DOCK10: variants seen among roughly 807,000 people sequenced by gnomAD.
DOCK10 encodes dedicator of cytokinesis 10.
Under a neutral mutation model 280.1 loss-of-function variants are expected in DOCK10, and 145 were observed. The ratio of observed to expected loss-of-function variants is 0.52; its 90% confidence interval spans 0.45 to 0.59. The LOEUF (loss-of-function observed/expected upper bound fraction) is 0.59. DOCK10 is among the 20% of genes least tolerant of loss of function. The probability of loss-of-function intolerance (pLI) is 0.00; values close to 1 mark genes in which losing one functional copy is unlikely to be tolerated. For synonymous variants in DOCK10, 915 were observed against 942.2 expected, an observed-to-expected ratio of 0.97 and a Z score of 0.53; for missense variants, 2,368 against 2,651.7, an observed-to-expected ratio of 0.89 and a Z score of 2.35.
intron 1 of DOCK10, among the ~76,000 whole-genome samples, chr2:224,951,046 G>A (rs757509499): frequency 6.6e-6 from 1 of 152,198 alleles, no homozygotes; most frequent in Non-Finnish European, 1.5e-5. Flanking sequence ...AGATAGACAG[G>A]CTGAAAACTA....
intron 4 of DOCK10, among the ~76,000 whole-genome samples, chr2:224,888,951 A>G (rs533943359): frequency 1.9e-4 from 29 of 152,276 alleles, no homozygotes; most frequent in Non-Finnish European, 3.8e-4. Context: ...GCCATTTGCC[A>G]TGATATGGAT....
At chr2:224,986,969 C>A (rs554082411) in intron 1 of DOCK10, among the ~76,000 whole-genome samples, 4 of 152,148 alleles carry the variant, frequency 2.6e-5, no homozygotes, top group Non-Finnish European at 5.9e-5. Flanking sequence ...TCCCTGCTTC[C>A]AAAACACAAA....
chr2:224,913,877 G>A (rs1239180140), intron 3 of DOCK10, among the ~76,000 whole-genome samples: 1 of 151,902 alleles, frequency 6.6e-6, no homozygotes, highest in Non-Finnish European at 1.5e-5. Flanking sequence ...ACAGGCACCC[G>A]CCACCACGTC....
intron 30 of DOCK10, among the ~76,000 whole-genome samples, chr2:224,814,818 A>G (rs4674942): frequency 0.26 from 39,880 of 152,188 alleles, 8,413 homozygotes; most frequent in African/African-American, 0.59. Context: ...CACCACCCTC[A>G]GCCTATTTGT....
rs535951450 is a variant in DOCK10, at chr2:224,767,187, G to A, written c.6445-1350C>T. Among the ~76,000 whole-genome samples, 7 of 151,816 alleles carry A rather than the reference G, an allele frequency of 4.6e-5. No homozygotes were observed. The South Asian group carries it at 6.2e-4, about 14-fold the overall frequency. On this transcript the variant is annotated intron_variant, in intron 55 of 55. Transcript: ENST00000258390. ...CAATCATGTAGTTTTTTTTTTAGAC[G>A]GAATCTCACTTTGTCACCCAGGTTG...
At chr2:224,804,042 G>T in intron 39 of DOCK10, 70 bp downstream of exon 39, 1 of 785,230 alleles carries the variant, frequency 1.3e-6, no homozygotes, top group South Asian at 1.6e-5. Context: ...GTCTACCCCT[G>T]ACATGTGCAT....
In DOCK10 at chr2:224,796,435, G is replaced by A. The variant is rs1231742967; in HGVS notation, c.4828-9C>T. The A allele has an allele frequency of 4.0e-6, 6 of 1,510,456 alleles. No individual in the cohort carries two copies. The highest frequency in any genetic ancestry group is 2.1e-5 in the Admixed American group (1 of 48,640). The allele number at this position is 1,510,456 out of a possible 1,614,324, so 93.6% of individuals were successfully genotyped here. On this transcript the variant is annotated splice_polypyrimidine_tract_variant and intron_variant, in intron 43 of 55. Transcript: ENST00000258390. ...CTCACAGCTTTGATGAGCTAGAAAAGAAAAAAAATGAACTCTCAAAAACAA... is the reference window on the plus strand; with the variant it reads ...CTCACAGCTTTGATGAGCTAGAAAAAAAAAAAAATGAACTCTCAAAAACAA...
At chr2:224,923,270 G>A (rs1301449721) in intron 2 of DOCK10, among the ~76,000 whole-genome samples, 2 of 152,138 alleles carry the variant, frequency 1.3e-5, no homozygotes, top group African/African-American at 2.4e-5. Context: ...GTAGTATTTA[G>A]GTATATAGTA....
chr2:224,837,650 G>C, intron 25 of DOCK10, 112 bp downstream of exon 25: 2 of 799,090 alleles, frequency 2.5e-6, no homozygotes, highest in Non-Finnish European at 4.3e-6. Flanking sequence ...ATATTACTGT[G>C]GTGGGCGCCA....
intron 3 of DOCK10, among the ~76,000 whole-genome samples, chr2:224,909,983 T>C (rs1055469120): frequency 4.6e-5 from 7 of 152,178 alleles, no homozygotes; most frequent in African/African-American, 1.4e-4. Context: ...GAATGCCTAA[T>C]GCCTTTCATG....
At chr2:224,994,501 C>T (rs1706213858) in intron 1 of DOCK10, among the ~76,000 whole-genome samples, 1 of 152,244 alleles carries the variant, frequency 6.6e-6, no homozygotes, top group South Asian at 2.1e-4. Context: ...CTTCTGCTTT[C>T]TCTCACAGGC....
At chr2:224,973,945 T>C (rs1453635374) in intron 1 of DOCK10, among the ~76,000 whole-genome samples, 1 of 152,232 alleles carries the variant, frequency 6.6e-6, no homozygotes, top group African/African-American at 2.4e-5. Context: ...TTTCTGTTTC[T>C]TCTTAGCATC....
At chr2:224,807,525 T>G in intron 33 of DOCK10, 143 bp downstream of exon 33, 1 of 586,894 alleles carries the variant, frequency 1.7e-6, no homozygotes, top group South Asian at 2.4e-5. Flanking sequence ...AAATGACACA[T>G]TGATGTGAGT....
At chr2:224,865,869 ACACT>A (rs1354098684) in intron 11 of DOCK10, among the ~76,000 whole-genome samples, 54 of 149,542 alleles carry the variant, frequency 3.6e-4, no homozygotes, top group African/African-American at 1.2e-3. Context: ...ACACACACAC[ACACT>A]CTCTCTCTCT....
chr2:225,000,293 G>C (rs1005018164), intron 1 of DOCK10, among the ~76,000 whole-genome samples: 17 of 151,936 alleles, frequency 1.1e-4, no homozygotes, highest in Non-Finnish European at 2.4e-4. Context: ...CAGTCTTATT[G>C]CTGCAGTTTA....
intron 1 of DOCK10, among the ~76,000 whole-genome samples, chr2:225,012,606 G>C (rs1331128960): frequency 6.6e-6 from 1 of 152,140 alleles, no homozygotes; most frequent in Non-Finnish European, 1.5e-5. Flanking sequence ...TAGTCCAAAA[G>C]AGATTATTAA....
In DOCK10 at chr2:224,857,019, A is replaced by G. The variant is rs1292735000; in HGVS notation, c.1686-37T>C. On this transcript the variant is annotated intron_variant, in intron 14 of 55. Transcript: ENST00000258390. ...TATTTATTCAGGTTGGTAGTTGGAT[A>G]TTGTTTATAAAGTTGTGTTTTTAAC... The G allele has an allele frequency of 2.0e-6, 3 of 1,537,952 alleles. No individual in the cohort carries two copies. The African/African-American group carries it at 4.1e-5, about 21-fold the overall frequency.
Position 225,014,658 on chromosome 2 carries a change from G to A in DOCK10, c.123+27594C>T, listed in dbSNP as rs573978107. On this transcript the variant is annotated intron_variant, in intron 1 of 55. Coordinates refer to ENST00000258390, the MANE Select transcript of DOCK10 (RefSeq NM_014689.3). Reference sequence around the variant, plus strand: ...GCTTTTCTCTTCTGCAAGTTTAGAAGCTCAATATTTATTTCTCCGCTTAGT... The same window carrying A: ...GCTTTTCTCTTCTGCAAGTTTAGAAACTCAATATTTATTTCTCCGCTTAGT... 2.0e-5 allele frequency among the ~76,000 whole-genome samples: 3 copies of A among 152,050 alleles called. No individual in the cohort carries two copies. In the East Asian group the frequency reaches 5.8e-4, roughly 29 times the overall value.
chr2:224,888,405 T>C (rs1490073950), intron 4 of DOCK10, among the ~76,000 whole-genome samples: 1 of 151,826 alleles, frequency 6.6e-6, no homozygotes, highest in Non-Finnish European at 1.5e-5. Context: ...TGTGTGTGCA[T>C]GTATATATGA....
Sources: allele counts gnomAD v4.1 joint callset (sites outside exome capture counted in the v4.1 genomes callset), GRCh38; gene constraint gnomAD v4.1.1; transcripts MANE v1.5; gene names NCBI Gene and HGNC (gene_info 2026-07-23, HGNC 2026-07-21).